GUCY1A2: variants seen among roughly 807,000 people sequenced by gnomAD.
The protein encoded by GUCY1A2 is guanylate cyclase 1 soluble subunit alpha 2, also known as guanylate cyclase soluble subunit alpha-2.
A neutral mutation model predicts 63.5 loss-of-function variants in GUCY1A2; 27 were observed. The ratio of observed to expected loss-of-function variants is 0.43; its 90% CI spans 0.31 to 0.59. GUCY1A2 has a LOEUF of 0.59. Among genes scored for constraint, GUCY1A2 ranks in the 20% least tolerant of loss-of-function variants. The pLI, the probability that GUCY1A2 is intolerant of heterozygous loss-of-function variation, is 0.11. For missense variants in GUCY1A2, 768 were observed against 913.3 expected (o/e 0.84, Z 2.05); for synonymous variants, 364 against 343.5 (o/e 1.06, Z -0.66).
chr11:106,936,743 T>G, intron 4 of GUCY1A2: 1 of 1,310,544 alleles, frequency 7.6e-7, no homozygotes, highest in Non-Finnish European at 1.1e-6. Flanking sequence ...GCAGACGTAG[T>G]GGTTCATTGG....
At chr11:106,820,680 G>A (rs993119976) in intron 4 of GUCY1A2, among the ~76,000 whole-genome samples, 4 of 152,154 alleles carry the variant, frequency 2.6e-5, no homozygotes, top group African/African-American at 9.6e-5. Context: ...TTATAGGCAT[G>A]ACCCACTGCA....
intron 4 of GUCY1A2, among the ~76,000 whole-genome samples, chr11:106,924,899 G>A (rs1372973567): frequency 1.3e-5 from 2 of 152,004 alleles, no homozygotes; most frequent in African/African-American, 2.4e-5. Flanking sequence ...CAGCTACTGA[G>A]GAGCCTGAGG....
intron 1 of GUCY1A2, among the ~76,000 whole-genome samples, chr11:107,014,811 T>G (rs1159081967): frequency 6.6e-6 from 1 of 152,164 alleles, no homozygotes; most frequent in East Asian, 1.9e-4. Flanking sequence ...TCCTGAAGTA[T>G]ATTGTGATGG....
At chr11:106,875,849 A>C (rs1377280601) in intron 4 of GUCY1A2, among the ~76,000 whole-genome samples, 1 of 152,088 alleles carries the variant, frequency 6.6e-6, no homozygotes, top group African/African-American at 2.4e-5. Flanking sequence ...TTTATCTATT[A>C]TGCATGCAGT....
chr11:106,881,665 C>A (rs949089592), intron 4 of GUCY1A2, among the ~76,000 whole-genome samples: 1 of 151,932 alleles, frequency 6.6e-6, no homozygotes, highest in African/African-American at 2.4e-5. Context: ...TTCCTCTTCT[C>A]CCCAGAGGTA....
intron 4 of GUCY1A2, among the ~76,000 whole-genome samples, chr11:106,934,163 T>C (rs1379550555): frequency 1.3e-5 from 2 of 152,200 alleles, no homozygotes; most frequent in Non-Finnish European, 2.9e-5. Context: ...AGAGCAGTTC[T>C]AGAGAAAGGT....
intron 1 of GUCY1A2, among the ~76,000 whole-genome samples, chr11:107,015,560 GCAAA>G (rs1861809309): frequency 1.7e-5 from 1 of 58,936 alleles, no homozygotes; most frequent in Non-Finnish European, 2.8e-5. Flanking sequence ...ATTCTCTTAG[GCAAA>G]AAAAAAAAAA....
chr11:106,885,926 CT>C (rs1274269303), intron 4 of GUCY1A2, among the ~76,000 whole-genome samples: 1 of 152,122 alleles, frequency 6.6e-6, no homozygotes, highest in Non-Finnish European at 1.5e-5. Context: ...TAAAAATATG[CT>C]CACACACATA....
intron 1 of GUCY1A2, among the ~76,000 whole-genome samples, chr11:107,001,598 T>G (rs1861613853): frequency 6.6e-6 from 1 of 152,198 alleles, no homozygotes; most frequent in Non-Finnish European, 1.5e-5. Flanking sequence ...TTTTTCTACT[T>G]TGTTTTTGCT....
chr11:106,785,821 G>A (rs991842314), intron 5 of GUCY1A2, among the ~76,000 whole-genome samples: 1 of 151,428 alleles, frequency 6.6e-6, no homozygotes, highest in Non-Finnish European at 1.5e-5. Flanking sequence ...AAAGTCTGAA[G>A]ACTTCTGTAT....
chr11:106,856,121 C>T (rs545733039), intron 4 of GUCY1A2, among the ~76,000 whole-genome samples: 1 of 149,064 alleles, frequency 6.7e-6, no homozygotes, highest in South Asian at 2.1e-4. Context: ...TTTTTGGAGA[C>T]AGAGTTAAAA....
At chr11:106,842,686 T>C (rs753192444) in intron 4 of GUCY1A2, among the ~76,000 whole-genome samples, 13 of 151,938 alleles carry the variant, frequency 8.6e-5, no homozygotes, top group Non-Finnish European at 1.5e-4. Flanking sequence ...TCTCAAACTT[T>C]AGTGTGAACC....
chr11:106,674,323 C>CACT lies in GUCY1A2; in HGVS notation c.*13225_*13226insAGT, dbSNP rs1862310406. 5.6e-6 allele frequency: 1 copy of CACT among 179,980 alleles called. No homozygotes were observed. Among genetic ancestry groups the CACT allele is most frequent in the Non-Finnish European group, 1.2e-5 (1 of 84,204 alleles). 11.1% of individuals were successfully genotyped at this position (179,980 alleles called of 1,614,324 possible). On this transcript the variant is annotated 3_prime_UTR_variant, in exon 8 of 8. Transcript: ENST00000526355. ...AAAGAATGAGTAAAAAGTGGTGTTA[C>CACT]ATGAAAATCAAAGAAGATATTGTGG...
At chr11:106,989,833 A>G (rs1322280726) in intron 1 of GUCY1A2, among the ~76,000 whole-genome samples, 1 of 152,170 alleles carries the variant, frequency 6.6e-6, no homozygotes, top group Admixed American at 6.5e-5. Context: ...TGAGGATAGT[A>G]CTAAAGCCAG....
At chr11:106,944,872 T>C (rs780551718) in intron 3 of GUCY1A2, among the ~76,000 whole-genome samples, 2 of 152,166 alleles carry the variant, frequency 1.3e-5, no homozygotes, top group Middle Eastern at 3.2e-3. Flanking sequence ...TCCGTGTCTT[T>C]CTTATAAAAT....
chr11:106,776,653 A>G lies in GUCY1A2; in HGVS notation c.1693-71T>C. On this transcript the variant is annotated intron_variant, in intron 5 of 7. Transcript: ENST00000526355. ...CAAAGAGAAATGATTAGTTATCTGC[A>G]ATCACAAATGTTGCTGAAAAACATG... 1.4e-6 allele frequency: 2 copies of G among 1,400,482 alleles called. 1 individual carries two copies. The highest frequency in any genetic ancestry group is 2.4e-5 in the South Asian group (2 of 82,486). The allele number at this position is 1,400,482 out of a possible 1,614,324, so 86.8% of individuals were successfully genotyped here.
At chr11:106,852,873 AG>A (rs1407463010) in intron 4 of GUCY1A2, among the ~76,000 whole-genome samples, 1 of 152,116 alleles carries the variant, frequency 6.6e-6, no homozygotes, top group African/African-American at 2.4e-5. Context: ...TTGTTTTGAC[AG>A]ATTTATTTCT....
At chr11:106,752,135 T>C (rs955153976) in intron 6 of GUCY1A2, among the ~76,000 whole-genome samples, 1 of 152,172 alleles carries the variant, frequency 6.6e-6, no homozygotes, top group African/African-American at 2.4e-5. Flanking sequence ...ACTAAGGAGA[T>C]AGTGAGTGTT....
At chr11:106,869,138 C>T (rs1008555964) in intron 4 of GUCY1A2, among the ~76,000 whole-genome samples, 2 of 152,066 alleles carry the variant, frequency 1.3e-5, no homozygotes, top group African/African-American at 2.4e-5. Flanking sequence ...AATGTTAGAC[C>T]TAAAACCATA....
Sources: allele counts gnomAD v4.1 joint callset (sites outside exome capture counted in the v4.1 genomes callset), GRCh38; gene constraint gnomAD v4.1.1; transcripts MANE v1.5; gene names NCBI Gene and HGNC (gene_info 2026-07-23, HGNC 2026-07-21).